Variants in KCNH8 observed in about 807,000 individuals in gnomAD.
The protein encoded by KCNH8 is voltage-gated delayed rectifier potassium channel KCNH8.
In KCNH8, 70 loss-of-function variants were observed where a neutral mutation model predicts 103.6. The observed-to-expected ratio is 0.68, with a 90% CI of 0.56 to 0.82. KCNH8 has a LOEUF of 0.82. KCNH8 is among the 40% of genes least tolerant of loss of function. The probability of loss-of-function intolerance (pLI) is 0.00; values close to 1 mark genes in which losing one functional copy is unlikely to be tolerated. For synonymous variants in KCNH8, 498 were observed against 489.4 expected, an observed-to-expected ratio of 1.02 and a Z score of -0.23; for missense variants, 1,217 against 1,329.9, an observed-to-expected ratio of 0.92 and a Z score of 1.32.
chr3:19,498,953 T>G (rs527858339), intron 11 of KCNH8, among the ~76,000 whole-genome samples: 6 of 152,252 alleles, frequency 3.9e-5, no homozygotes, highest in African/African-American at 1.4e-4. Flanking sequence ...GATCTCCAGC[T>G]GCGTGCTGGG....
Position 19,533,481 on chromosome 3 carries a change from G to C in KCNH8, c.2706G>C (p.Gln902His). Residue 902 changes from glutamine to histidine, a missense_variant, in exon 16 of 16, where the codon CAG becomes CAC. Around this residue, in one of 3 missense-constraint regions of KCNH8, gnomAD observed 558 missense variants for 495.8 expected, o/e 1.13. Transcript: ENST00000328405. ...IQLLENVLSP[Q>H]QPSRFCSLHS... Reference sequence around the variant, plus strand: ...TTCTGGAAAACGTTCTGTCACCTCAGCAGCCATCACGGTTTTGCTCTTTGC... The same window carrying C: ...TTCTGGAAAACGTTCTGTCACCTCACCAGCCATCACGGTTTTGCTCTTTGC... 3.1e-6 allele frequency: 5 copies of C among 1,614,178 alleles called. No individual in the cohort carries two copies. The highest frequency in any genetic ancestry group is 4.2e-6 in the Non-Finnish European group (5 of 1,180,024).
chr3:19,382,881 CA>C (rs2066306985), intron 5 of KCNH8, among the ~76,000 whole-genome samples: 1 of 152,078 alleles, frequency 6.6e-6, no homozygotes, highest in Non-Finnish European at 1.5e-5. Context: ...ATGCTATGTA[CA>C]ATGGGCAGAG....
intron 15 of KCNH8, among the ~76,000 whole-genome samples, chr3:19,529,938 G>C (rs925530025): frequency 4.6e-5 from 7 of 152,184 alleles, no homozygotes; most frequent in Admixed American, 1.3e-4. Context: ...AGCTAGGATA[G>C]TAATTTGTTT....
intron 15 of KCNH8, among the ~76,000 whole-genome samples, chr3:19,523,123 C>G (rs1233094918): frequency 2.6e-5 from 4 of 151,758 alleles, no homozygotes; most frequent in Non-Finnish European, 5.9e-5. Context: ...AACTTGGGCT[C>G]TAGCATTTTA....
intron 2 of KCNH8, among the ~76,000 whole-genome samples, chr3:19,259,998 A>G (rs1472233992): frequency 6.6e-6 from 1 of 151,572 alleles, no homozygotes. Flanking sequence ...TAGCATTGGG[A>G]TGGGTAGAGG....
rs552477465 is a variant in KCNH8, at chr3:19,535,620, A to G, written c.*1521A>G. On this transcript the variant is annotated 3_prime_UTR_variant, in exon 16 of 16. Coordinates refer to ENST00000328405, the MANE Select transcript of KCNH8 (RefSeq NM_144633.3). ...CCACAAAAAATAATCTGAGAATTGTATCATTAAAAGTATCTAAACACACCA... is the reference window on the plus strand; with the variant it reads ...CCACAAAAAATAATCTGAGAATTGTGTCATTAAAAGTATCTAAACACACCA... 3.3e-5 allele frequency: 5 copies of G among 152,362 alleles called. No individual in the cohort carries two copies. The East Asian group carries it at 9.6e-4, about 29-fold the overall frequency. The allele number at this position is 152,362 out of a possible 1,614,324, so 9.4% of individuals were successfully genotyped here. A position where few individuals can be genotyped will look rare whatever the true frequency, so the allele number is the denominator to read the frequency against.
intron 1 of KCNH8, among the ~76,000 whole-genome samples, chr3:19,172,498 C>G (rs1056024960): frequency 2.0e-5 from 3 of 152,132 alleles, no homozygotes; most frequent in Non-Finnish European, 4.4e-5. Flanking sequence ...TCCTTGATCA[C>G]TTATATTCAG....
chr3:19,502,561 G>T (rs2068608420), intron 11 of KCNH8, among the ~76,000 whole-genome samples: 1 of 152,132 alleles, frequency 6.6e-6, no homozygotes, highest in African/African-American at 2.4e-5. Context: ...CATGATACTG[G>T]TACCAAAACA....
At chr3:19,274,464 GT>G (rs956733124) in intron 2 of KCNH8, among the ~76,000 whole-genome samples, 8 of 152,070 alleles carry the variant, frequency 5.3e-5, no homozygotes, top group Non-Finnish European at 1.2e-4. Context: ...CTGAATTTGT[GT>G]TTAACTGTAC....
chr3:19,491,366 C>T (rs1331608616), intron 11 of KCNH8, among the ~76,000 whole-genome samples: 1 of 152,096 alleles, frequency 6.6e-6, no homozygotes, highest in Non-Finnish European at 1.5e-5. Context: ...GTTTATTATT[C>T]CTATGTTTAT....
rs569678739 is a variant in KCNH8 at position 19,195,243 on chromosome 3, G to T, written c.76+46448G>T. 4.6e-5 allele frequency among the ~76,000 whole-genome samples: 7 copies of T among 151,866 alleles called. No individual in the cohort carries two copies. In the South Asian group the frequency reaches 1.5e-3, roughly 32 times the overall value. ...AACCCCTGTTCCAGTCATGAGCTTTGCCTGGGCTTCCTGAAGTTCTAAGAT... is the reference window on the plus strand; with the variant it reads ...AACCCCTGTTCCAGTCATGAGCTTTTCCTGGGCTTCCTGAAGTTCTAAGAT... On this transcript the variant is annotated intron_variant, in intron 1 of 15. Transcript: ENST00000328405.
chr3:19,389,980 A>G (rs2066412902), intron 5 of KCNH8, among the ~76,000 whole-genome samples: 1 of 152,030 alleles, frequency 6.6e-6, no homozygotes, highest in African/African-American at 2.4e-5. Flanking sequence ...ATGATCTTGG[A>G]TGAATTACTT....
intron 8 of KCNH8, among the ~76,000 whole-genome samples, chr3:19,441,211 C>T (rs941908432): frequency 3.3e-5 from 5 of 152,148 alleles, no homozygotes; most frequent in Non-Finnish European, 7.4e-5. Flanking sequence ...AGAACCCTGG[C>T]TCCCTGACAC....
chr3:19,449,967 T>C (rs78346521), intron 8 of KCNH8, 139 bp from the exon 9 acceptor site: 46,681 of 674,904 alleles, frequency 0.069, 2,117 homozygotes, highest in Non-Finnish European at 0.082. Context: ...AAAATGCTTG[T>C]ACCAAAATAG....
chr3:19,373,761 C>T (rs1286051161), intron 5 of KCNH8, among the ~76,000 whole-genome samples: 1 of 151,384 alleles, frequency 6.6e-6, no homozygotes, highest in African/African-American at 2.4e-5. Flanking sequence ...TATAAATTTC[C>T]CTCTACACAC....
intron 15 of KCNH8, among the ~76,000 whole-genome samples, chr3:19,531,151 G>A (rs1041624211): frequency 6.6e-6 from 1 of 152,204 alleles, no homozygotes; most frequent in African/African-American, 2.4e-5. Flanking sequence ...ATGAACTAAT[G>A]TAGCCCTAGT....
intron 3 of KCNH8, among the ~76,000 whole-genome samples, chr3:19,308,787 C>CCCT (rs2065172619): frequency 5.4e-5 from 2 of 36,884 alleles, no homozygotes; most frequent in African/African-American, 4.0e-4. Context: ...TCTCTCTCTC[C>CCCT]CTCTCTCTCT....
intron 5 of KCNH8, among the ~76,000 whole-genome samples, chr3:19,370,619 T>C (rs933508799): frequency 4.6e-5 from 7 of 152,138 alleles, no homozygotes; most frequent in Non-Finnish European, 8.8e-5. Flanking sequence ...TATTTTATTT[T>C]TAATTATACT....
At chr3:19,451,877 C>T (rs1418531701) in intron 10 of KCNH8, among the ~76,000 whole-genome samples, 1 of 152,116 alleles carries the variant, frequency 6.6e-6, no homozygotes, top group African/African-American at 2.4e-5. Context: ...TCATAGCAGT[C>T]ATTAACCTAA....
Sources: allele counts gnomAD v4.1 joint callset (sites outside exome capture counted in the v4.1 genomes callset), GRCh38; gene constraint gnomAD v4.1.1; regional missense constraint gnomAD v4.1.1; transcripts MANE v1.5; gene names NCBI Gene and HGNC (gene_info 2026-07-23, HGNC 2026-07-21).